The following CHRM3 variants were observed in gnomAD, a reference collection of about 807,000 sequenced individuals.
CHRM3 encodes the protein muscarinic acetylcholine receptor M3.
CHRM3 carries 11 observed loss-of-function variants against 41.8 expected under a neutral mutation model. The observed-to-expected ratio is 0.26, with a 90% CI of 0.17 to 0.44. The LOEUF is 0.44. Among genes scored for constraint, CHRM3 ranks in the 20% least tolerant of loss-of-function variants. The pLI, the probability that CHRM3 is intolerant of heterozygous loss-of-function variation, is 1.00. For synonymous variants in CHRM3, 297 were observed against 301.4 expected (o/e 0.99, Z 0.15); for missense variants, 571 against 745.4 (o/e 0.77, Z 2.72).
chr1:239,663,708 C>T (rs1230147216), intron 4 of CHRM3, among the ~76,000 whole-genome samples: 2 of 152,190 alleles, frequency 1.3e-5, no homozygotes, highest in Admixed American at 6.5e-5. Context: ...AATCTAAATA[C>T]ATGCATTTTG....
At chr1:239,500,486 G>T (rs1423377665) in intron 2 of CHRM3, among the ~76,000 whole-genome samples, 1 of 151,482 alleles carries the variant, frequency 6.6e-6, no homozygotes, top group East Asian at 1.9e-4. Flanking sequence ...GGATGGGGGA[G>T]GGATAGCATT....
At chr1:239,526,898 A>T (rs560232582) in intron 2 of CHRM3, among the ~76,000 whole-genome samples, 1 of 152,086 alleles carries the variant, frequency 6.6e-6, no homozygotes, top group South Asian at 2.1e-4. Flanking sequence ...AGGTAGGAGG[A>T]TCTCTTGAGC....
intron 6 of CHRM3, among the ~76,000 whole-genome samples, chr1:239,888,195 C>T (rs760945499): frequency 5.9e-5 from 9 of 151,746 alleles, no homozygotes; most frequent in Non-Finnish European, 7.4e-5. Flanking sequence ...AACCCCATCT[C>T]TACAAAAAAA....
chr1:239,790,193 G>A (rs999447111), intron 5 of CHRM3, among the ~76,000 whole-genome samples: 4 of 152,060 alleles, frequency 2.6e-5, no homozygotes, highest in East Asian at 1.9e-4. Flanking sequence ...GTGGACTTTC[G>A]GGTTAATGCA....
intron 6 of CHRM3, among the ~76,000 whole-genome samples, chr1:239,878,600 A>C (rs1266466837): frequency 1.3e-5 from 2 of 150,248 alleles, no homozygotes; most frequent in Middle Eastern, 3.4e-3. Flanking sequence ...CAGTATTTTA[A>C]ATTTTTTTTT....
intron 1 of CHRM3, among the ~76,000 whole-genome samples, chr1:239,443,771 T>C (rs1663912866): frequency 6.6e-6 from 1 of 152,186 alleles, no homozygotes. Flanking sequence ...ATTTTAGCAT[T>C]AGTCAGTATA....
chr1:239,843,062 G>A (rs1242194325), intron 6 of CHRM3, among the ~76,000 whole-genome samples: 2 of 152,126 alleles, frequency 1.3e-5, no homozygotes, highest in African/African-American at 2.4e-5. Flanking sequence ...CCCTTATGTG[G>A]CTTTCTTGTC....
chr1:239,441,923 T>C (rs1229434741), intron 1 of CHRM3, among the ~76,000 whole-genome samples: 1 of 152,194 alleles, frequency 6.6e-6, no homozygotes, highest in Non-Finnish European at 1.5e-5. Flanking sequence ...AAATATATGT[T>C]TAAGAGACAT....
rs927642104 is a variant in CHRM3, at chr1:239,661,522, C to A, written c.-249-16664C>A. 2.6e-5 allele frequency among the ~76,000 whole-genome samples: 4 copies of A among 152,016 alleles called. 1 individual carries two copies. Among genetic ancestry groups the A allele is most frequent in the Middle Eastern group, 6.8e-3 (2 of 294 alleles). ...CATGTTGTGTAAAGACATGGAGGAC[C>A]CTTAAATGGATATTACTAAGTAAAA... is the stretch of plus-strand genomic sequence containing the variant. On this transcript the variant is annotated intron_variant, in intron 4 of 6. Transcript: ENST00000676153.
chr1:239,404,539 T>C lies in CHRM3; in HGVS notation c.-521+17312T>C, dbSNP rs776470701. ...ATAGCATGGATTGGCAAGGAGTACA[T>C]TATCTCAGGTCATTCTCTCTGGTAA... On this transcript the variant is annotated intron_variant, in intron 1 of 6. Coordinates refer to ENST00000676153, the MANE Select transcript of CHRM3 (RefSeq NM_001375978.1). Among the ~76,000 whole-genome samples, 73 of 150,692 alleles carry C rather than the reference T, an allele frequency of 4.8e-4. 1 individual carries two copies. The highest frequency in any genetic ancestry group is 7.9e-4 in the Admixed American group (12 of 15,144).
At chr1:239,511,009 G>C (rs1558278242) in intron 2 of CHRM3, among the ~76,000 whole-genome samples, 1 of 152,152 alleles carries the variant, frequency 6.6e-6, no homozygotes, top group Non-Finnish European at 1.5e-5. Flanking sequence ...ATATTGAAGA[G>C]AGAAACACCT....
At chr1:239,602,001 C>T (rs891774895) in intron 3 of CHRM3, among the ~76,000 whole-genome samples, 7 of 150,596 alleles carry the variant, frequency 4.6e-5, no homozygotes, top group African/African-American at 1.7e-4. Context: ...TAAGAGGAGC[C>T]ACTTCTGACT....
intron 2 of CHRM3, among the ~76,000 whole-genome samples, chr1:239,493,808 T>G (rs1667707624): frequency 6.6e-6 from 1 of 152,132 alleles, no homozygotes. Context: ...ATACAAATGG[T>G]AAAACTATAC....
intron 5 of CHRM3, among the ~76,000 whole-genome samples, chr1:239,700,456 T>C (rs1191552267): frequency 6.6e-6 from 1 of 152,180 alleles, no homozygotes. Context: ...CTGAAACTTC[T>C]ATGCATTAAT....
intron 6 of CHRM3, among the ~76,000 whole-genome samples, chr1:239,831,590 A>G (rs999107787): frequency 6.6e-6 from 1 of 152,214 alleles, no homozygotes; most frequent in African/African-American, 2.4e-5. Context: ...AAGAATATCA[A>G]ACAGACTGAT....
At chr1:239,457,329 A>T (rs61834716) in intron 1 of CHRM3, among the ~76,000 whole-genome samples, 9,837 of 152,196 alleles carry the variant, frequency 0.065, 602 homozygotes, top group African/African-American at 0.17. Context: ...GCAACCTAAG[A>T]TATTAGCAGT....
intron 6 of CHRM3, among the ~76,000 whole-genome samples, chr1:239,876,568 T>G (rs1393929796): frequency 6.6e-6 from 1 of 152,212 alleles, no homozygotes; most frequent in Non-Finnish European, 1.5e-5. Flanking sequence ...GAGTGGAAGA[T>G]GACATTCATA....
chr1:239,656,511 T>A lies in CHRM3; in HGVS notation c.-249-21675T>A, dbSNP rs115307406. On this transcript the variant is annotated intron_variant, in intron 4 of 6. Coordinates refer to ENST00000676153, the MANE Select transcript of CHRM3 (RefSeq NM_001375978.1). ...AAAAAAAGTAGCTGGTGTGGTGATA[T>A]GCATCTATAATCCCAGCTACTTGGA... Among the ~76,000 whole-genome samples the A allele has an allele frequency of 3.2e-3, 484 of 151,586 alleles. 3 individuals are homozygous for A. Among genetic ancestry groups the A allele is most frequent in the African/African-American group, 0.011 (459 of 41,318 alleles).
intron 1 of CHRM3, among the ~76,000 whole-genome samples, chr1:239,447,422 G>A (rs1436065650): frequency 1.3e-5 from 2 of 152,112 alleles, no homozygotes; most frequent in Non-Finnish European, 2.9e-5. Context: ...AATGGCAGGA[G>A]GGAAAGTTCT....
Sources: gnomAD v4.1 joint callset for allele counts (sites outside exome capture counted in the v4.1 genomes callset) on GRCh38, gnomAD v4.1.1 for gene constraint, MANE v1.5 for transcripts, NCBI Gene and HGNC (gene_info 2026-07-23, HGNC 2026-07-21) for gene names.